Variants in C11orf65 observed in about 807,000 individuals in gnomAD.
C11orf65 encodes the protein chromosome 11 open reading frame 65, also known as protein MFI.
A neutral mutation model predicts 35.3 loss-of-function variants in C11orf65; 38 were observed. The ratio of observed to expected loss-of-function variants is 1.08; its 90% CI spans 0.83 to 1.41. The LOEUF (loss-of-function observed/expected upper bound fraction) is 1.41. Ranked by LOEUF, C11orf65 falls within the 40% of genes most tolerant of loss-of-function variation. The probability of loss-of-function intolerance (pLI) is 0.00; values close to 1 mark genes in which losing one functional copy is unlikely to be tolerated. For missense variants in C11orf65, 370 were observed against 367.1 expected (o/e 1.01, Z -0.06); for synonymous variants, 105 against 114.4 (o/e 0.92, Z 0.53).
rs876658179 is a variant in C11orf65 at position 108,365,361 on chromosome 11, T to C, written c.226+27847A>G. The C allele has an allele frequency of 2.5e-6, 4 of 1,614,212 alleles. No individual in the cohort carries two copies. The highest frequency in any genetic ancestry group is 3.4e-6 in the Non-Finnish European group (4 of 1,180,048). ...AGAGTTTCAACAAAGTAGCTGAACG[T>C]GTCTTAATGAGACTACAAGAGAAAC... On this transcript the variant is annotated intron_variant, in intron 2 of 3. Transcript: ENST00000524755.
intron 3 of C11orf65, among the ~76,000 whole-genome samples, chr11:108,419,635 G>A (rs1198715984): frequency 6.6e-6 from 1 of 152,226 alleles, no homozygotes; most frequent in Non-Finnish European, 1.5e-5. Context: ...CCAGGAGGTT[G>A]AGGCTGCAGT....
chr11:108,440,418 C>T (rs1460757974), intron 2 of C11orf65, among the ~76,000 whole-genome samples: 1 of 152,180 alleles, frequency 6.6e-6, no homozygotes, highest in Non-Finnish European at 1.5e-5. Flanking sequence ...GTAGAAATGG[C>T]TGGGATGGCT....
At chr11:108,430,034 T>G (rs1386622794) in intron 3 of C11orf65, among the ~76,000 whole-genome samples, 1 of 152,050 alleles carries the variant, frequency 6.6e-6, no homozygotes, top group East Asian at 1.9e-4. Flanking sequence ...GTTTTGGTTT[T>G]GTAAGATGAA....
chr11:108,344,369 C>T (rs1469521591), intron 2 of C11orf65, among the ~76,000 whole-genome samples: 1 of 152,036 alleles, frequency 6.6e-6, no homozygotes, highest in African/African-American at 2.4e-5. Flanking sequence ...GGAGAGGAGA[C>T]ATGAGCAGGA....
rs372795527 is a variant in C11orf65 at position 108,365,368 on chromosome 11, A to G, written c.226+27840T>C. 3.9e-5 allele frequency: 63 copies of G among 1,614,066 alleles called. No individual in the cohort carries two copies. Among genetic ancestry groups the G allele is most frequent in the Non-Finnish European group, 5.1e-5 (60 of 1,180,048 alleles). ...CAACAAAGTAGCTGAACGTGTCTTA[A>G]TGAGACTACAAGAGAAACTGAAAGG... is the stretch of plus-strand genomic sequence containing the variant. On this transcript the variant is annotated intron_variant, in intron 2 of 3. Transcript: ENST00000524755.
chr11:108,312,979 C>G (rs925109854), intron 6 of C11orf65, among the ~76,000 whole-genome samples: 7 of 152,138 alleles, frequency 4.6e-5, no homozygotes, highest in Admixed American at 6.5e-5. Flanking sequence ...TCAGCTTCTC[C>G]ATTCTGCTTA....
At chr11:108,425,584 A>G (rs940330760) in intron 3 of C11orf65, among the ~76,000 whole-genome samples, 2 of 152,218 alleles carry the variant, frequency 1.3e-5, no homozygotes, top group Admixed American at 6.5e-5. Flanking sequence ...AGGAGCTGGT[A>G]CCATTCCTTC....
intron 3 of C11orf65, chr11:108,331,696 G>A (rs2086254394): frequency 2.3e-6 from 3 of 1,330,756 alleles, no homozygotes; most frequent in East Asian, 2.5e-5. Flanking sequence ...CATCACATAA[G>A]TTACTCATTT....
At position 108,393,256 on chromosome 11, in the gene C11orf65, C is replaced by T. The variant is rs2092211612; in HGVS notation, c.683G>A (p.Trp228Ter). The T allele has an allele frequency of 6.2e-7, 1 of 1,613,960 alleles. No homozygotes were observed. The highest frequency in any genetic ancestry group is 8.5e-7 in the Non-Finnish European group (1 of 1,179,996). The stretch of plus-strand genomic sequence containing the variant: ...CCAGTTCAGCACTTCATCCACTTCC[C>T]ATTCCATCACAGAATCTATCCCCCC... Reference protein sequence around the residue: ...EDGGIDSVMEWEVDEVLNWTN... With the variant: ...EDGGIDSVME Residue 228 changes from tryptophan to a stop codon, truncating the protein, a stop_gained, in exon 7 of 9, where the codon TGG (tryptophan) becomes TAG (stop). Transcript: ENST00000393084. LOFTEE classifies it high-confidence loss of function.
intron 6 of C11orf65, among the ~76,000 whole-genome samples, chr11:108,401,758 C>G (rs2092443927): frequency 6.6e-6 from 1 of 152,214 alleles, no homozygotes; most frequent in South Asian, 2.1e-4. Flanking sequence ...TCCTCTACCC[C>G]ATCGGTCTCT....
chr11:108,362,514 G>C (rs961253245), intron 2 of C11orf65, among the ~76,000 whole-genome samples: 2 of 149,364 alleles, frequency 1.3e-5, no homozygotes, highest in Admixed American at 1.3e-4. Context: ...GTTTATTGCG[G>C]CATTATTCAC....
At position 108,359,363 on chromosome 11, in the gene C11orf65, C is replaced by T. The variant is rs578029000; in HGVS notation, c.227-24071G>A. Among the ~76,000 whole-genome samples the T allele has an allele frequency of 2.0e-5, 3 of 152,166 alleles. No homozygotes were observed. In the East Asian group the frequency reaches 5.8e-4, roughly 29 times the overall value. ...TTAATAATGGGAGACTTTAACACCC[C>T]ACTGTCAACATTAGACAGATCAACG... On this transcript the variant is annotated intron_variant, in intron 2 of 3. Transcript: ENST00000524755.
chr11:108,442,508 C>T (rs1417820687), intron 2 of C11orf65, among the ~76,000 whole-genome samples: 2 of 152,064 alleles, frequency 1.3e-5, no homozygotes, highest in Non-Finnish European at 2.9e-5. Flanking sequence ...AGAGCAATCC[C>T]AAGACACATA....
downstream of C11orf65, chr11:108,329,264 T>C (rs2086007986): frequency 2.5e-6 from 4 of 1,574,612 alleles, no homozygotes; most frequent in East Asian, 2.3e-5. Context: ...CAAGTGACAA[T>C]TTTATGTTCA....
chr11:108,405,433 G>A lies in C11orf65; in HGVS notation c.556C>T (p.Gln186Ter), dbSNP rs1362773859. ...RKLRKIEWMR[Q>*]MYYSGSLEAK... ...GTAAGTGTTTCATCAACTTACATTTGCCTCATCCACTCTATTTTTCTAAGT... is the reference window on the plus strand; with the variant it reads ...GTAAGTGTTTCATCAACTTACATTTACCTCATCCACTCTATTTTTCTAAGT... Residue 186 changes from glutamine (Q) to a stop codon, truncating the protein, a stop_gained, in exon 6 of 9, where the codon CAA (glutamine) becomes TAA (stop). Coordinates refer to ENST00000393084, the MANE Select transcript of C11orf65 (RefSeq NM_152587.5). LOFTEE classifies it high-confidence loss of function. The A allele has an allele frequency of 1.9e-6, 3 of 1,610,796 alleles. No individual in the cohort carries two copies. Among genetic ancestry groups the A allele is most frequent in the Admixed American group, 3.4e-5 (2 of 59,212 alleles).
At chr11:108,465,706 T>G (rs1427943456) in intron 1 of C11orf65, among the ~76,000 whole-genome samples, 1 of 151,294 alleles carries the variant, frequency 6.6e-6, no homozygotes, top group Admixed American at 6.6e-5. Context: ...AAAAAAAGGC[T>G]GGGCGCGGTG....
chr11:108,347,435 A>C lies in C11orf65; in HGVS notation c.227-12143T>G, dbSNP rs1021460237. On this transcript the variant is annotated intron_variant, in intron 2 of 3. Coordinates refer to the C11orf65 transcript ENST00000524755. ...GGTCATCATGGAATGTTGTTTGCCT[A>C]CCAAGATATTACAAATATAAGAGAC... 3 of 1,252,524 alleles carry C rather than the reference A, an allele frequency of 2.4e-6. No homozygotes were observed. The Admixed American group carries it at 5.3e-5, about 22-fold the overall frequency. The allele number at this position is 1,252,524 out of a possible 1,614,324, so 77.6% of individuals were successfully genotyped here. A position where few individuals can be genotyped will look rare whatever the true frequency, so the allele number is the denominator to read the frequency against.
chr11:108,321,038 G>T (rs925964862), intron 6 of C11orf65, among the ~76,000 whole-genome samples: 1 of 152,210 alleles, frequency 6.6e-6, no homozygotes, highest in Admixed American at 6.5e-5. Flanking sequence ...AGTAGGATAA[G>T]GAGGAAGGGT....
intron 2 of C11orf65, among the ~76,000 whole-genome samples, chr11:108,363,574 TGGGTAGAG>T (rs2091034567): frequency 6.6e-6 from 1 of 152,152 alleles, no homozygotes; most frequent in South Asian, 2.1e-4. Flanking sequence ...TGGCATCTAC[TGGGTAGAG>T]GCCAGGGATG....
Sources: gnomAD v4.1 joint callset for allele counts (sites outside exome capture counted in the v4.1 genomes callset) on GRCh38, gnomAD v4.1.1 for gene constraint, MANE v1.5 for transcripts, NCBI Gene and HGNC (gene_info 2026-07-23, HGNC 2026-07-21) for gene names.